Variants in NRXN1 observed in about 807,000 individuals in gnomAD.
The protein encoded by NRXN1 is neurexin 1, also known as neurexin-1.
In NRXN1, 39 loss-of-function variants were observed where a neutral mutation model predicts 150.9. The ratio of observed to expected loss-of-function variants is 0.26; its 90% CI spans 0.20 to 0.34. NRXN1 has a LOEUF of 0.34. Among genes scored for constraint, NRXN1 ranks in the 10% least tolerant of loss-of-function variants. NRXN1 has a pLI of 1.00. For synonymous variants in NRXN1, 924 were observed against 757.0 expected, an observed-to-expected ratio of 1.22 and a Z score of -3.62; for missense variants, 1,815 against 1,949.9, an observed-to-expected ratio of 0.93 and a Z score of 1.30.
intron 5 of NRXN1, among the ~76,000 whole-genome samples, chr2:50,725,777 A>G: frequency 6.6e-6 from 1 of 152,300 alleles, no homozygotes; most frequent in African/African-American, 2.4e-5. Flanking sequence ...TCAGCTTTGT[A>G]AAACAGACTT....
chr2:50,676,355 GCAAA>G (rs1390400449), intron 5 of NRXN1, among the ~76,000 whole-genome samples: 1 of 152,104 alleles, frequency 6.6e-6, no homozygotes, highest in Non-Finnish European at 1.5e-5. Context: ...TTATAGCAAT[GCAAA>G]CAGACTAACA....
intron 5 of NRXN1, among the ~76,000 whole-genome samples, chr2:50,911,956 A>AT (rs568032548): frequency 7.9e-5 from 12 of 151,362 alleles, no homozygotes; most frequent in African/African-American, 1.7e-4. Flanking sequence ...GAATAACTAC[A>AT]TTTTTTTTCA....
At chr2:49,928,874 C>T (rs1669620979) in intron 22 of NRXN1, among the ~76,000 whole-genome samples, 1 of 152,144 alleles carries the variant, frequency 6.6e-6, no homozygotes, top group African/African-American at 2.4e-5. Flanking sequence ...CCACCCATGC[C>T]TGCACATTCT....
At chr2:50,252,199 T>A (rs1175822856) in intron 17 of NRXN1, among the ~76,000 whole-genome samples, 1 of 150,608 alleles carries the variant, frequency 6.6e-6, no homozygotes, top group East Asian at 1.9e-4. Flanking sequence ...TTTTTTAACT[T>A]TTTTAAAATT....
intron 17 of NRXN1, among the ~76,000 whole-genome samples, chr2:50,449,926 G>A (rs1449557200): frequency 6.6e-6 from 1 of 152,146 alleles, no homozygotes; most frequent in Non-Finnish European, 1.5e-5. Context: ...TACAGATGAA[G>A]AAGCTGACTC....
At chr2:50,258,769 T>G (rs2067966566) in intron 17 of NRXN1, among the ~76,000 whole-genome samples, 1 of 152,072 alleles carries the variant, frequency 6.6e-6, no homozygotes, top group South Asian at 2.1e-4. Context: ...GGCTTGAAAG[T>G]TGAAATTACT....
At chr2:50,769,364 GCACT>G (rs1318090806) in intron 5 of NRXN1, among the ~76,000 whole-genome samples, 1 of 152,036 alleles carries the variant, frequency 6.6e-6, no homozygotes, top group African/African-American at 2.4e-5. Flanking sequence ...TCTCTCTAAT[GCACT>G]AACATCATTT....
intron 9 of NRXN1, among the ~76,000 whole-genome samples, chr2:50,543,823 T>G (rs1374180897): frequency 2.6e-5 from 4 of 152,130 alleles, no homozygotes; most frequent in Non-Finnish European, 4.4e-5. Context: ...TAAGTTAAGT[T>G]GATGTCAAGA....
At chr2:50,588,863 G>A (rs1273395404) in intron 8 of NRXN1, 1 of 152,170 alleles carries the variant, frequency 6.6e-6, no homozygotes, top group African/African-American at 2.4e-5. Flanking sequence ...TATAGTAGCG[G>A]AGGTGAAGTA....
chr2:50,538,719 T>C, intron 9 of NRXN1, 83 bp from the exon 10 acceptor site: 1 of 1,162,206 alleles, frequency 8.6e-7, no homozygotes, highest in Middle Eastern at 2.1e-4. Context: ...GTCTGCTTGA[T>C]GGTTAACTCC....
At chr2:50,433,608 C>T (rs1179472993) in intron 17 of NRXN1, among the ~76,000 whole-genome samples, 5 of 145,130 alleles carry the variant, frequency 3.4e-5, no homozygotes, top group South Asian at 2.2e-4. Flanking sequence ...TTATGGGCAG[C>T]GAAAACGTAG....
chr2:50,537,311 A>C, intron 10 of NRXN1, among the ~76,000 whole-genome samples: 1 of 152,212 alleles, frequency 6.6e-6, no homozygotes, highest in East Asian at 1.9e-4. Flanking sequence ...ACAACTCATC[A>C]ATATTTTTTC....
At chr2:50,480,360 C>A (rs771295909) in intron 15 of NRXN1, among the ~76,000 whole-genome samples, 1 of 152,064 alleles carries the variant, frequency 6.6e-6, no homozygotes, top group Non-Finnish European at 1.5e-5. Context: ...TAAATTTGAG[C>A]CTATCCTGGC....
At chr2:50,441,255 T>C (rs917399687) in intron 17 of NRXN1, among the ~76,000 whole-genome samples, 2 of 152,206 alleles carry the variant, frequency 1.3e-5, no homozygotes, top group Non-Finnish European at 2.9e-5. Context: ...AAATTATAAA[T>C]TGGCTATATA....
At chr2:51,015,121 A>G (rs1457119778) in intron 2 of NRXN1, among the ~76,000 whole-genome samples, 1 of 152,026 alleles carries the variant, frequency 6.6e-6, no homozygotes, top group African/African-American at 2.4e-5. Flanking sequence ...ATTTTAAACC[A>G]ACAGTTCTCA....
intron 2 of NRXN1, among the ~76,000 whole-genome samples, chr2:50,944,710 T>G (rs754112632): frequency 6.6e-6 from 1 of 152,140 alleles, no homozygotes; most frequent in Non-Finnish European, 1.5e-5. Context: ...ATTAGGAAAT[T>G]CATGAGTCAA....
chr2:51,019,045 C>T (rs964212109), intron 2 of NRXN1, among the ~76,000 whole-genome samples: 1 of 152,062 alleles, frequency 6.6e-6, no homozygotes, highest in Admixed American at 6.6e-5. Context: ...TCTGCCACAA[C>T]CCTCAAATCT....
At chr2:50,545,326 TATCA>T (rs1222201566) in intron 9 of NRXN1, among the ~76,000 whole-genome samples, 1 of 152,168 alleles carries the variant, frequency 6.6e-6, no homozygotes, top group East Asian at 1.9e-4. Context: ...AGGTTGTAAA[TATCA>T]ATCAAATAAC....
intron 21 of NRXN1, among the ~76,000 whole-genome samples, chr2:50,007,069 A>G (rs1352726686): frequency 6.6e-6 from 1 of 152,150 alleles, no homozygotes; most frequent in Non-Finnish European, 1.5e-5. Flanking sequence ...CAGGCCAGGT[A>G]CAGTGGCTCA....
Sources: gnomAD v4.1 joint callset for allele counts (sites outside exome capture counted in the v4.1 genomes callset) on GRCh38, gnomAD v4.1.1 for gene constraint, MANE v1.5 for transcripts, NCBI Gene and HGNC (gene_info 2026-07-23, HGNC 2026-07-21) for gene names.